Variants in SNX29 observed in about 807,000 individuals in gnomAD.
SNX29 encodes sorting nexin 29, also known as sorting nexin-29.
A neutral mutation model predicts 102.1 loss-of-function variants in SNX29; 78 were observed. The ratio of observed to expected loss-of-function variants is 0.76; its 90% CI spans 0.64 to 0.92. The LOEUF (loss-of-function observed/expected upper bound fraction) is 0.92. Among genes scored for constraint, SNX29 ranks in the 40% least tolerant of loss-of-function variants. The pLI is 0.00. For missense variants in SNX29, 1,280 were observed against 1,061.7 expected (o/e 1.21, Z -2.86); for synonymous variants, 580 against 414.5 (o/e 1.40, Z -4.85).
At chr16:12,200,395 C>T (rs11860706) in intron 14 of SNX29, among the ~76,000 whole-genome samples, 125 of 152,204 alleles carry the variant, frequency 8.2e-4, no homozygotes, top group African/African-American at 3.0e-3. Flanking sequence ...TTGCAGCCCT[C>T]AGCCAAAAGA....
At position 12,117,545 on chromosome 16, in the gene SNX29, C is replaced by G. The variant is rs1187493333; in HGVS notation, c.1403-9088C>G. 2.0e-5 allele frequency among the ~76,000 whole-genome samples: 3 copies of G among 152,198 alleles called. No homozygotes were observed. In the East Asian group the frequency reaches 5.8e-4, roughly 29 times the overall value. ...AAGAAGACCACATAAGAGATGATTC[C>G]GTTTCTGTGAAGCATTGGAGTACGT... is the stretch of plus-strand genomic sequence containing the variant. On this transcript the variant is annotated intron_variant, in intron 11 of 20. Coordinates refer to ENST00000566228, the MANE Select transcript of SNX29 (RefSeq NM_032167.5).
At chr16:12,168,887 G>T (rs972133687) in intron 13 of SNX29, among the ~76,000 whole-genome samples, 9 of 152,312 alleles carry the variant, frequency 5.9e-5, no homozygotes, top group East Asian at 3.9e-4. Flanking sequence ...TCTTGCCCCA[G>T]ATCATCCGGA....
At chr16:12,431,781 G>T (rs546054797) in intron 18 of SNX29, among the ~76,000 whole-genome samples, 1 of 152,340 alleles carries the variant, frequency 6.6e-6, no homozygotes, top group East Asian at 1.9e-4. Context: ...CCCACAGCCG[G>T]TGCTGTGAGG....
At chr16:12,145,753 CATGTT>C (rs746573371) in intron 13 of SNX29, among the ~76,000 whole-genome samples, 1 of 152,188 alleles carries the variant, frequency 6.6e-6, no homozygotes, top group Admixed American at 6.5e-5. Context: ...GACATTGTCT[CATGTT>C]ATTCAGTTCC....
intron 13 of SNX29, among the ~76,000 whole-genome samples, chr16:12,195,241 G>A (rs1028274152): frequency 2.6e-5 from 4 of 152,174 alleles, no homozygotes; most frequent in South Asian, 2.1e-4. Flanking sequence ...GTCCTATAGC[G>A]TCCTATTATA....
At chr16:12,463,598 C>T (rs549126699) in intron 18 of SNX29, among the ~76,000 whole-genome samples, 10 of 152,248 alleles carry the variant, frequency 6.6e-5, no homozygotes, top group African/African-American at 9.6e-5. Flanking sequence ...TCCCACAACA[C>T]GTGGGAATTA....
At chr16:12,004,180 A>G (rs2056381771) in intron 3 of SNX29, among the ~76,000 whole-genome samples, 1 of 151,966 alleles carries the variant, frequency 6.6e-6, no homozygotes, top group Non-Finnish European at 1.5e-5. Flanking sequence ...TCTCTACTAA[A>G]AATACAAAAA....
At chr16:12,039,036 C>T (rs972837819) in intron 4 of SNX29, among the ~76,000 whole-genome samples, 2 of 152,182 alleles carry the variant, frequency 1.3e-5, no homozygotes, top group African/African-American at 4.8e-5. Flanking sequence ...CTCGAGGGAC[C>T]TGCCCTCTTG....
intron 20 of SNX29, among the ~76,000 whole-genome samples, chr16:12,534,546 C>T (rs2077018618): frequency 6.6e-6 from 1 of 152,194 alleles, no homozygotes; most frequent in Non-Finnish European, 1.5e-5. Context: ...TGTGTCAGTT[C>T]AGGGAAATTG....
At chr16:12,448,259 T>C (rs767846339) in intron 18 of SNX29, among the ~76,000 whole-genome samples, 2 of 152,308 alleles carry the variant, frequency 1.3e-5, no homozygotes, top group South Asian at 2.1e-4. Context: ...CACCTTTCCA[T>C]GTCCTCCTTG....
At chr16:12,276,012 C>T (rs545459954) in intron 14 of SNX29, among the ~76,000 whole-genome samples, 25 of 151,558 alleles carry the variant, frequency 1.6e-4, no homozygotes, top group Admixed American at 1.3e-3. Context: ...TCTGCTTCAG[C>T]CCTCCGAGTA....
At position 12,571,922 on chromosome 16, in the gene SNX29, T is replaced by C. The variant is rs1598141659; in HGVS notation, c.*3293T>C. On this transcript the variant is annotated 3_prime_UTR_variant, in exon 21 of 21. Transcript: ENST00000566228. Reference sequence around the variant, plus strand: ...CCTGCATTTCTCTACTGGCAGGCCCTGGTGAAGGAAGACACTTTCAGGGAA... The same window carrying C: ...CCTGCATTTCTCTACTGGCAGGCCCCGGTGAAGGAAGACACTTTCAGGGAA... The C allele has an allele frequency of 9.4e-7, 1 of 1,062,098 alleles. No homozygotes were observed. Among genetic ancestry groups the C allele is most frequent in the African/African-American group, 1.6e-5 (1 of 60,978 alleles). The allele number at this position is 1,062,098 out of a possible 1,614,324, so 65.8% of individuals were successfully genotyped here.
intron 18 of SNX29, among the ~76,000 whole-genome samples, chr16:12,443,517 A>T (rs1423343786): frequency 6.6e-6 from 1 of 151,954 alleles, no homozygotes; most frequent in African/African-American, 2.4e-5. Context: ...CAGTGGTGCT[A>T]TCTTGGTTCA....
At chr16:12,507,107 G>A (rs1268040106) in intron 19 of SNX29, among the ~76,000 whole-genome samples, 1 of 152,224 alleles carries the variant, frequency 6.6e-6, no homozygotes, top group Non-Finnish European at 1.5e-5. Context: ...GTTGGGCACT[G>A]CAACTATTGT....
chr16:12,564,929 G>A (rs1027089988), intron 20 of SNX29, among the ~76,000 whole-genome samples: 1 of 38,924 alleles, frequency 2.6e-5, no homozygotes. Context: ...AGGGAACCTT[G>A]GTGTTAAAAA....
chr16:12,173,741 C>T (rs1248637715), intron 13 of SNX29, among the ~76,000 whole-genome samples: 4 of 152,148 alleles, frequency 2.6e-5, no homozygotes, highest in Non-Finnish European at 5.9e-5. Flanking sequence ...TAACTTAATG[C>T]GATTTGATCC....
intron 15 of SNX29, among the ~76,000 whole-genome samples, chr16:12,334,921 T>TTTTTTTTTTA (rs56233203): frequency 2.1e-4 from 31 of 149,312 alleles, no homozygotes; most frequent in African/African-American, 6.9e-4. Context: ...TTTTTTTTTT[T>TTTTTTTTTTA]AAAAAGCAAC....
At chr16:11,983,727 C>G in intron 1 of SNX29, 11 of 984,650 alleles carry the variant, frequency 1.1e-5, no homozygotes, top group Non-Finnish European at 1.2e-5. Flanking sequence ...GATAGGAACT[C>G]AAATGCTTAG....
In SNX29 at chr16:12,435,597, C is replaced by T. The variant is rs575617949; in HGVS notation, c.2037+32068C>T. On this transcript the variant is annotated intron_variant, in intron 18 of 20. Transcript: ENST00000566228. ...ACACAGTCTAGAAAACACCAGAGGA[C>T]GCAGTTTAGAAAACACCAGTTTAGA... Among the ~76,000 whole-genome samples the T allele has an allele frequency of 1.4e-4, 21 of 152,306 alleles. No homozygotes were observed. In the South Asian group the frequency reaches 3.3e-3, roughly 24 times the overall value.
Sources: allele counts gnomAD v4.1 joint callset (sites outside exome capture counted in the v4.1 genomes callset), GRCh38; gene constraint gnomAD v4.1.1; transcripts MANE v1.5; gene names NCBI Gene and HGNC (gene_info 2026-07-23, HGNC 2026-07-21).